Variants in CLMN observed in about 807,000 individuals in gnomAD.
The protein encoded by CLMN is calmin (calponin-like, transmembrane).
Under a neutral mutation model 92.7 loss-of-function variants are expected in CLMN, and 57 were observed. That is an observed-to-expected ratio of 0.61 (90% CI 0.50 to 0.77). The LOEUF (loss-of-function observed/expected upper bound fraction) is 0.77. Among genes scored for constraint, CLMN ranks in the 30% least tolerant of loss-of-function variants. The probability of loss-of-function intolerance (pLI) is 0.00; values close to 1 mark genes in which losing one functional copy is unlikely to be tolerated. For synonymous variants in CLMN, 466 were observed against 470.6 expected, an observed-to-expected ratio of 0.99 and a Z score of 0.13; for missense variants, 1,158 against 1,237.5, an observed-to-expected ratio of 0.94 and a Z score of 0.96.
intron 5 of CLMN, among the ~76,000 whole-genome samples, 176 bp from the exon 6 acceptor site, chr14:95,213,585 G>A (rs1241909773): frequency 6.6e-6 from 1 of 152,098 alleles, no homozygotes; most frequent in Non-Finnish European, 1.5e-5. Flanking sequence ...CAGTACTTGT[G>A]ATGGCCTGTC....
At position 95,194,445 on chromosome 14, in the gene CLMN, A is replaced by G; in HGVS notation, c.2769+91T>C. The G allele has an allele frequency of 6.2e-6, 10 of 1,601,068 alleles. No individual in the cohort carries two copies. In the South Asian group the frequency reaches 1.0e-4, roughly 16 times the overall value. ...AAAAGTATAGCTGTTGCATGCCAGT[A>G]ATTTCAAAGCTCTGGGCTGGGGAGG... On this transcript the variant is annotated intron_variant, in intron 11 of 12. Coordinates refer to ENST00000298912, the MANE Select transcript of CLMN (RefSeq NM_024734.4). The surrounding 1 kb of genome is among the most constrained non-coding windows in gnomAD (Gnocchi z 4.0).
rs1410307132 is a variant in CLMN at position 95,210,952 on chromosome 14, A to G, written c.609-73T>C. On this transcript the variant is annotated intron_variant, in intron 6 of 12. Transcript: ENST00000298912. The stretch of plus-strand genomic sequence containing the variant: ...ACTCAAAGGTGCAAGGTCAGCATGC[A>G]GCAGCCGCGTGAGTTTTTGAGTGGG... The G allele has an allele frequency of 3.4e-6, 5 of 1,452,392 alleles. No homozygotes were observed. In the East Asian group the frequency reaches 1.0e-4, roughly 30 times the overall value. 90.0% of individuals were successfully genotyped at this position (1,452,392 alleles called of 1,614,324 possible).
intron 3 of CLMN, chr14:95,222,520 G>A (rs779169514): frequency 2.2e-6 from 1 of 454,182 alleles, no homozygotes; most frequent in African/African-American, 2.0e-5. Flanking sequence ...GGGAAGTGGA[G>A]GCCTGTTCTT....
At position 95,247,709 on chromosome 14, in the gene CLMN, T is replaced by A. The variant is rs986385406; in HGVS notation, c.83-17576A>T. On this transcript the variant is annotated intron_variant, in intron 1 of 12. Coordinates refer to ENST00000298912, the MANE Select transcript of CLMN (RefSeq NM_024734.4). ...CCCTGGCAGCCAACAATGTGGTCAA[T>A]GGATCAGGGTTGCACCTGAATCCAT... Among the ~76,000 whole-genome samples the A allele has an allele frequency of 5.3e-5, 8 of 152,172 alleles. No homozygotes were observed. In the East Asian group the frequency reaches 7.7e-4, roughly 15 times the overall value.
chr14:95,274,367 G>C (rs139316253), intron 1 of CLMN, among the ~76,000 whole-genome samples: 1 of 152,096 alleles, frequency 6.6e-6, no homozygotes, highest in Non-Finnish European at 1.5e-5. Context: ...AGCACACGAA[G>C]TCAGGAGGTA....
intron 1 of CLMN, chr14:95,307,676 G>A (rs991932380): frequency 1.3e-4 from 20 of 152,262 alleles, no homozygotes; most frequent in African/African-American, 4.1e-4. Context: ...GAGGTAACAC[G>A]TTTGGTTTGT....
At chr14:95,252,504 G>C (rs1312365886) in intron 1 of CLMN, among the ~76,000 whole-genome samples, 1 of 152,186 alleles carries the variant, frequency 6.6e-6, no homozygotes, top group Non-Finnish European at 1.5e-5. Flanking sequence ...GAGTAGCTGA[G>C]AGACATCTGG....
rs1896556415 is a variant in CLMN, at chr14:95,191,417, A to G, written c.*147T>C. On this transcript the variant is annotated 3_prime_UTR_variant, in exon 13 of 13. Coordinates refer to ENST00000298912, the MANE Select transcript of CLMN (RefSeq NM_024734.4). The surrounding 1 kb of genome is among the most constrained non-coding windows in gnomAD (Gnocchi z 5.3). ...AAAAAAGGAAACCTGAAAAAAAAAA[A>G]AAAACCACAATAGCGAGAAAGGGGG... 2.0e-6 allele frequency: 1 copy of G among 509,630 alleles called. No homozygotes were observed. The highest frequency in any genetic ancestry group is 2.0e-5 in the African/African-American group (1 of 49,188). 31.6% of individuals were successfully genotyped at this position (509,630 alleles called of 1,614,324 possible). A position where few individuals can be genotyped will look rare whatever the true frequency, so the allele number is the denominator to read the frequency against.
intron 1 of CLMN, among the ~76,000 whole-genome samples, chr14:95,308,836 G>A (rs1006624272): frequency 2.0e-5 from 3 of 152,178 alleles, no homozygotes; most frequent in African/African-American, 7.2e-5. Context: ...GAAGCCGTGC[G>A]CACGCATGGG....
rs2140767181 is a variant in CLMN, at chr14:95,294,617, GGTGTGATGGT to G, written c.82+25084_82+25093del. Among the ~76,000 whole-genome samples, 1 of 152,318 alleles carries G rather than the reference GGTGTGATGGT, an allele frequency of 6.6e-6. No individual in the cohort carries two copies. Among genetic ancestry groups the G allele is most frequent in the East Asian group, 1.9e-4 (1 of 5,178 alleles). On this transcript the variant is annotated intron_variant, in intron 1 of 12. Transcript: ENST00000298912. The surrounding 1 kb of genome is among the most constrained non-coding windows in gnomAD (Gnocchi z 4.2). ...TTGTAGAAAAGGGCACTTATTTTCAGGTGTGATGGTGAGGATTAGGATAAATCCCTGTGCT... is the reference window on the plus strand; with the variant it reads ...TTGTAGAAAAGGGCACTTATTTTCAGGAGGATTAGGATAAATCCCTGTGCT...
chr14:95,253,454 T>C (rs1898866901), intron 1 of CLMN, among the ~76,000 whole-genome samples: 1 of 146,054 alleles, frequency 6.8e-6, no homozygotes, highest in Non-Finnish European at 1.5e-5. Flanking sequence ...GGACGGCTCA[T>C]TCACACAGGA....
rs983487473 is a variant in CLMN, at chr14:95,210,852, C to T, written c.636G>A (p.Ala212=). The change falls in exon 7 of 13, where the codon GCG becomes GCA. Residue 212 remains alanine (A), a synonymous_variant. Coordinates refer to ENST00000298912, the MANE Select transcript of CLMN (RefSeq NM_024734.4). ...RKYGVAVQDF[A]GSWRSGLAFL... ...AAGCCAGCCCACTCCTCCAACTGCC[C>T]GCAAAGTCCTGCACCGCCACGCCAT... 2.1e-5 allele frequency: 33 copies of T among 1,554,930 alleles called. No homozygotes were observed. Among genetic ancestry groups the T allele is most frequent in the South Asian group, 3.6e-5 (3 of 83,510 alleles).
rs1901938267 is a variant in CLMN at position 95,319,339 on chromosome 14, AC to A, written c.82+371del. On this transcript the variant is annotated intron_variant, in intron 1 of 12. Coordinates refer to ENST00000298912, the MANE Select transcript of CLMN (RefSeq NM_024734.4). The stretch of plus-strand genomic sequence containing the variant: ...CACACACACACACACACACACACAC[AC>A]AGAGTCGCACTGTCTCCTCCCCTCC... Among the ~76,000 whole-genome samples, 11 of 141,124 alleles carry A rather than the reference AC, an allele frequency of 7.8e-5. No homozygotes were observed. The South Asian group carries it at 2.2e-3, about 28-fold the overall frequency. The allele number at this position is 141,124 out of a possible 152,430, so 92.6% of individuals were successfully genotyped here. A position where few individuals can be genotyped will look rare whatever the true frequency, so the allele number is the denominator to read the frequency against.
At chr14:95,212,261 G>A (rs1396012867) in intron 6 of CLMN, among the ~76,000 whole-genome samples, 1 of 152,230 alleles carries the variant, frequency 6.6e-6, no homozygotes, top group African/African-American at 2.4e-5. Context: ...GGCAGTGTGT[G>A]ATAGGATACT....
chr14:95,211,322 G>A (rs1429487948), intron 6 of CLMN, among the ~76,000 whole-genome samples: 1 of 152,200 alleles, frequency 6.6e-6, no homozygotes, highest in Non-Finnish European at 1.5e-5. Flanking sequence ...ACTCCACACA[G>A]TGAACTTGCT....
chr14:95,194,386 AATG>A lies in CLMN; in HGVS notation c.2769+147_2769+149del. 1 of 1,498,974 alleles carries A rather than the reference AATG, an allele frequency of 6.7e-7. No individual in the cohort carries two copies. Among genetic ancestry groups the A allele is most frequent in the South Asian group, 1.3e-5 (1 of 74,226 alleles). 92.9% of individuals were successfully genotyped at this position (1,498,974 alleles called of 1,614,324 possible). A position where few individuals can be genotyped will look rare whatever the true frequency, so the allele number is the denominator to read the frequency against. On this transcript the variant is annotated intron_variant, in intron 11 of 12. Transcript: ENST00000298912. The surrounding 1 kb of genome is among the most constrained non-coding windows in gnomAD (Gnocchi z 4.0). The stretch of plus-strand genomic sequence containing the variant: ...CCGGATATCCGATCGGACTGTGCTT[AATG>A]ATAAGGTTCCAATCTGCTTGTCTTC...
rs368050605 is a variant in CLMN, at chr14:95,271,914, G to T, written c.83-41781C>A. On this transcript the variant is annotated intron_variant, in intron 1 of 12. Coordinates refer to ENST00000298912, the MANE Select transcript of CLMN (RefSeq NM_024734.4). ...AACTTCATCTACATGGAATCACACAGTTTGTGCCTGTCGGTTTTGTTCCAT... is the reference window on the plus strand; with the variant it reads ...AACTTCATCTACATGGAATCACACATTTTGTGCCTGTCGGTTTTGTTCCAT... Among the ~76,000 whole-genome samples the T allele has an allele frequency of 9.8e-5, 15 of 152,328 alleles. No homozygotes were observed. In the East Asian group the frequency reaches 2.1e-3, roughly 22 times the overall value.
intron 1 of CLMN, among the ~76,000 whole-genome samples, chr14:95,242,839 T>C (rs535883263): frequency 3.9e-5 from 6 of 152,268 alleles, no homozygotes; most frequent in Non-Finnish European, 8.8e-5. Context: ...AGTGCTGGGA[T>C]TACAGGCATG....
At chr14:95,312,783 C>T (rs897913910) in intron 1 of CLMN, among the ~76,000 whole-genome samples, 61 of 152,194 alleles carry the variant, frequency 4.0e-4, no homozygotes, top group African/African-American at 1.4e-3. Context: ...TCCAAGATAA[C>T]ACCTTAGTTC....
Sources: gnomAD v4.1 joint callset for allele counts (sites outside exome capture counted in the v4.1 genomes callset) on GRCh38, gnomAD v4.1.1 for gene constraint, Gnocchi (gnomAD v3.1) non-coding constraint, MANE v1.5 for transcripts, NCBI Gene and HGNC (gene_info 2026-07-23, HGNC 2026-07-21) for gene names.